Variants in MAPRE3 observed in about 807,000 individuals in gnomAD.
MAPRE3 encodes the protein microtubule-associated protein RP/EB family member 3.
A neutral mutation model predicts 30.5 loss-of-function variants in MAPRE3; 2 were observed. That is an observed-to-expected ratio of 0.07 (90% CI 0.03 to 0.21). The LOEUF is 0.21. Ranked by LOEUF, MAPRE3 falls within the 10% of genes least tolerant of loss-of-function variation. The pLI is 1.00. For synonymous variants in MAPRE3, 110 were observed against 127.7 expected, an observed-to-expected ratio of 0.86 and a Z score of 0.93; for missense variants, 204 against 351.8, an observed-to-expected ratio of 0.58 and a Z score of 3.36.
At chr2:26,999,494 T>TTC (rs1184566447) in intron 1 of MAPRE3, among the ~76,000 whole-genome samples, 3 of 22,342 alleles carry the variant, frequency 1.3e-4, no homozygotes, top group African/African-American at 3.0e-4. Flanking sequence ...CTTTCTTTTT[T>TTC]TTTTTTTTTT....
At chr2:27,006,279 G>A (rs1572761085) in intron 1 of MAPRE3, among the ~76,000 whole-genome samples, 1 of 152,216 alleles carries the variant, frequency 6.6e-6, no homozygotes, top group Admixed American at 6.5e-5. Flanking sequence ...TTGCCATTGG[G>A]TGAAGAGAGA....
chr2:27,025,591 A>T lies in MAPRE3; in HGVS notation c.478A>T (p.Arg160Trp). The part of the protein sequence containing the change: ...KKLIGTAVPQ[R>W]TSPTGPKNMQ... ...TCTTTTCCTCTGGGCAGTTCCACAG[A>T]GGACGTCCCCCACAGGCCCAAAAAA... is the stretch of plus-strand genomic sequence containing the variant. Residue 160 changes from arginine to tryptophan, a missense_variant, in exon 5 of 7, where the codon AGG becomes TGG. Arg to Trp is a moderately radical substitution (Grantham distance 101). Coordinates refer to ENST00000233121, the MANE Select transcript of MAPRE3 (RefSeq NM_012326.4). The T allele has an allele frequency of 6.3e-7, 1 of 1,576,288 alleles. No individual in the cohort carries two copies. The highest frequency in any genetic ancestry group is 8.6e-7 in the Non-Finnish European group (1 of 1,162,608).
intron 1 of MAPRE3, chr2:27,011,845 C>CAA (rs377088615): frequency 0.56 from 38,457 of 69,200 alleles, 11,005 homozygotes; most frequent in East Asian, 0.73. Flanking sequence ...GACTCCATCT[C>CAA]AAAAAAAAAA....
At chr2:26,997,901 A>C (rs574572778) in intron 1 of MAPRE3, among the ~76,000 whole-genome samples, 9 of 152,354 alleles carry the variant, frequency 5.9e-5, no homozygotes, top group African/African-American at 2.2e-4. Flanking sequence ...TCATCTAAAC[A>C]TAAAATCTCA....
chr2:27,002,915 C>T (rs911713359), intron 1 of MAPRE3: 1 of 152,238 alleles, frequency 6.6e-6, no homozygotes, highest in Admixed American at 6.5e-5. Context: ...CATCCTCACT[C>T]GTTGCTCTTA....
rs758826726 is a variant in MAPRE3, at chr2:27,026,033, G to A, written c.777+1G>A. On this transcript the variant is annotated splice_donor_variant, in intron 6 of 6. Transcript: ENST00000233121. LOFTEE classifies it high-confidence loss of function. The stretch of plus-strand genomic sequence containing the variant: ...CATTGGCATCCTCTATGCCACAGAG[G>A]TGAGCACTCCCAGGCCCATTGGGCC... 1 of 1,614,148 alleles carries A rather than the reference G, an allele frequency of 6.2e-7. No individual in the cohort carries two copies. The highest frequency in any genetic ancestry group is 8.5e-7 in the Non-Finnish European group (1 of 1,180,028).
chr2:26,995,264 T>A (rs1455601842), intron 1 of MAPRE3, among the ~76,000 whole-genome samples: 1 of 152,188 alleles, frequency 6.6e-6, no homozygotes, highest in Non-Finnish European at 1.5e-5. Flanking sequence ...TTATTAGTCA[T>A]AATCACAGAG....
chr2:26,991,723 G>A (rs901863640), intron 1 of MAPRE3, among the ~76,000 whole-genome samples: 5 of 151,928 alleles, frequency 3.3e-5, no homozygotes, highest in Admixed American at 6.6e-5. Flanking sequence ...TGCCTAAATG[G>A]TCTCTCTGGA....
Position 26,995,780 on chromosome 2 carries a change from G to GGTGTGTGTGTGTGTGTGTGTGTGTGT in MAPRE3, c.-8+25003_-8+25028dup, listed in dbSNP as rs1276648645. The stretch of plus-strand genomic sequence containing the variant: ...AATACCTGAGGGTCTTTCTAAGAGA[G>GGTGTGTGTGTGTGTGTGTGTGTGTGT]GTGTGTGTGTGTGTGTGTGTGTGTG... On this transcript the variant is annotated intron_variant, in intron 1 of 6. Transcript: ENST00000233121. Among the ~76,000 whole-genome samples the GGTGTGTGTGTGTGTGTGTGTGTGTGT allele has an allele frequency of 3.8e-4, 42 of 109,694 alleles. 4 individuals are homozygous for GGTGTGTGTGTGTGTGTGTGTGTGTGT. The highest frequency in any genetic ancestry group is 1.7e-3 in the East Asian group (5 of 2,878). 72.0% of individuals were successfully genotyped at this position (109,694 alleles called of 152,430 possible).
chr2:27,008,353 G>C (rs1666775667), intron 1 of MAPRE3, among the ~76,000 whole-genome samples: 1 of 152,192 alleles, frequency 6.6e-6, no homozygotes, highest in Non-Finnish European at 1.5e-5. Context: ...TACTTGGAAG[G>C]CTGAGGAGGA....
chr2:26,973,298 A>G (rs893723853), intron 1 of MAPRE3, among the ~76,000 whole-genome samples: 1 of 152,170 alleles, frequency 6.6e-6, no homozygotes, highest in African/African-American at 2.4e-5. Context: ...TGCATTGTGA[A>G]GCTGAGTTTC....
At chr2:27,018,581 A>G (rs1173589492) in intron 1 of MAPRE3, among the ~76,000 whole-genome samples, 1 of 152,162 alleles carries the variant, frequency 6.6e-6, no homozygotes, top group Non-Finnish European at 1.5e-5. Context: ...GAGGACAGGG[A>G]CAAATCTTTT....
chr2:26,980,792 C>T (rs1005825405), intron 1 of MAPRE3, among the ~76,000 whole-genome samples: 1 of 151,992 alleles, frequency 6.6e-6, no homozygotes, highest in Non-Finnish European at 1.5e-5. Context: ...TTGGTATTGA[C>T]GAAGAATCAT....
intron 1 of MAPRE3, among the ~76,000 whole-genome samples, chr2:26,973,629 A>G (rs1665957677): frequency 6.9e-6 from 1 of 143,946 alleles, no homozygotes; most frequent in Admixed American, 7.4e-5. Context: ...ATCTCGGCTC[A>G]CTGCAAGCTC....
At chr2:27,004,439 A>T (rs923442855) in intron 1 of MAPRE3, among the ~76,000 whole-genome samples, 2 of 152,164 alleles carry the variant, frequency 1.3e-5, no homozygotes, top group Admixed American at 1.3e-4. Context: ...AGGCAAAAAT[A>T]TGATAAGAGA....
At chr2:26,972,265 G>A (rs1665928888) in intron 1 of MAPRE3, among the ~76,000 whole-genome samples, 1 of 152,196 alleles carries the variant, frequency 6.6e-6, no homozygotes, top group Non-Finnish European at 1.5e-5. Flanking sequence ...AAAAATCATG[G>A]TGAAGGAGCC....
chr2:26,995,817 GTGTGTGTGTGTGTA>G (rs1666444171), intron 1 of MAPRE3, among the ~76,000 whole-genome samples: 1 of 150,350 alleles, frequency 6.7e-6, no homozygotes, highest in Non-Finnish European at 1.5e-5. Flanking sequence ...GTGTGTGTGT[GTGTGTGTGTGTGTA>G]TGTGTGTGTG....
intron 1 of MAPRE3, among the ~76,000 whole-genome samples, chr2:26,987,383 TC>T (rs1666245753): frequency 6.6e-6 from 1 of 152,170 alleles, no homozygotes. Flanking sequence ...ACGCTTTTAA[TC>T]CCAGCACTTT....
intron 2 of MAPRE3, among the ~76,000 whole-genome samples, chr2:27,023,113 G>T (rs561500787): frequency 6.6e-6 from 1 of 152,360 alleles, no homozygotes; most frequent in African/African-American, 2.4e-5. Flanking sequence ...TACATGCAGT[G>T]TTTGGTGTGG....
Sources: gnomAD v4.1 joint callset for allele counts (sites outside exome capture counted in the v4.1 genomes callset) on GRCh38, gnomAD v4.1.1 for gene constraint, MANE v1.5 for transcripts, NCBI Gene and HGNC (gene_info 2026-07-23, HGNC 2026-07-21) for gene names.